MARCHF1: variants seen among roughly 807,000 people sequenced by gnomAD.
MARCHF1 encodes E3 ubiquitin-protein ligase MARCHF1.
Under a neutral mutation model 54.2 loss-of-function variants are expected in MARCHF1, and 40 were observed. That is an observed-to-expected ratio of 0.74 (90% CI 0.57 to 0.96). The LOEUF is 0.96. Ranked by LOEUF, MARCHF1 falls within the 40% of genes least tolerant of loss-of-function variation. The pLI is 0.00. For synonymous variants in MARCHF1, 236 were observed against 236.3 expected, an observed-to-expected ratio of 1.00 and a Z score of 0.01; for missense variants, 586 against 656.5, an observed-to-expected ratio of 0.89 and a Z score of 1.17.
chr4:164,067,027 G>A (rs568220259), intron 2 of MARCHF1, among the ~76,000 whole-genome samples: 20 of 90,112 alleles, frequency 2.2e-4, no homozygotes, highest in Admixed American at 1.9e-3. Context: ...AAAAAAAAAA[G>A]TCTGACGAAG....
intron 1 of MARCHF1, among the ~76,000 whole-genome samples, chr4:164,194,117 C>T (rs1195431870): frequency 6.6e-6 from 1 of 152,056 alleles, no homozygotes; most frequent in Non-Finnish European, 1.5e-5. Flanking sequence ...TATAACACTC[C>T]CACTGCATTA....
chr4:164,141,550 A>G (rs1490571527), intron 1 of MARCHF1, among the ~76,000 whole-genome samples: 2 of 152,160 alleles, frequency 1.3e-5, no homozygotes, highest in Non-Finnish European at 2.9e-5. Context: ...ACCTTACAAC[A>G]AGATTAGCTC....
At chr4:163,610,966 C>T (rs958920151) in intron 7 of MARCHF1, among the ~76,000 whole-genome samples, 3 of 152,014 alleles carry the variant, frequency 2.0e-5, no homozygotes, top group African/African-American at 4.8e-5. Flanking sequence ...CTGATCAATT[C>T]CTGTCATCCT....
chr4:163,785,776 A>G (rs1315515844), intron 4 of MARCHF1, among the ~76,000 whole-genome samples: 1 of 152,058 alleles, frequency 6.6e-6, no homozygotes, highest in East Asian at 1.9e-4. Flanking sequence ...GCCACCTAGA[A>G]AATGTCCACA....
At chr4:164,377,416 T>C (rs1731224228) in intron 1 of MARCHF1, among the ~76,000 whole-genome samples, 2 of 152,228 alleles carry the variant, frequency 1.3e-5, no homozygotes, top group Non-Finnish European at 2.9e-5. Flanking sequence ...GAAATCAGTC[T>C]GTATCAGTTG....
At chr4:164,264,735 C>A (rs1448851803) in intron 1 of MARCHF1, among the ~76,000 whole-genome samples, 1 of 151,972 alleles carries the variant, frequency 6.6e-6, no homozygotes, top group Non-Finnish European at 1.5e-5. Flanking sequence ...GGCTGGCCAA[C>A]ATGGTGAAAC....
chr4:163,565,190 C>T (rs537589508), intron 8 of MARCHF1, among the ~76,000 whole-genome samples: 2 of 152,292 alleles, frequency 1.3e-5, no homozygotes, highest in African/African-American at 2.4e-5. Flanking sequence ...GAATCTCCTG[C>T]GAATGCAGAG....
chr4:163,740,748 T>C (rs1746170138), intron 4 of MARCHF1, among the ~76,000 whole-genome samples: 1 of 152,238 alleles, frequency 6.6e-6, no homozygotes, highest in Non-Finnish European at 1.5e-5. Context: ...TGGAGAACTA[T>C]ATTCCAACAT....
chr4:164,112,379 T>C (rs1298062142), intron 1 of MARCHF1, among the ~76,000 whole-genome samples: 1 of 151,936 alleles, frequency 6.6e-6, no homozygotes, highest in Non-Finnish European at 1.5e-5. Context: ...TACAATTGTG[T>C]GTATAATGAG....
intron 7 of MARCHF1, among the ~76,000 whole-genome samples, chr4:163,592,336 A>G (rs1213411104): frequency 1.3e-5 from 2 of 152,142 alleles, no homozygotes; most frequent in Non-Finnish European, 2.9e-5. Flanking sequence ...GCTACATAGC[A>G]TGACTTCCTG....
At chr4:164,012,155 C>G (rs1209470370) in intron 2 of MARCHF1, among the ~76,000 whole-genome samples, 1 of 152,192 alleles carries the variant, frequency 6.6e-6, no homozygotes, top group Non-Finnish European at 1.5e-5. Context: ...ACAAGGATCA[C>G]AGTCCTAGGG....
At chr4:163,856,346 T>C (rs191134629) in intron 3 of MARCHF1, among the ~76,000 whole-genome samples, 13 of 152,318 alleles carry the variant, frequency 8.5e-5, no homozygotes, top group South Asian at 2.1e-4. Flanking sequence ...ATAATAATCA[T>C]TGAATACTAT....
intron 1 of MARCHF1, among the ~76,000 whole-genome samples, chr4:164,233,241 C>CA (rs150148007): frequency 0.2 from 29,256 of 147,784 alleles, 3,066 homozygotes; most frequent in Admixed American, 0.32. Context: ...CTGTTTATTT[C>CA]AAAAAAAAAA....
At chr4:164,295,567 G>T (rs1734390387) in intron 1 of MARCHF1, among the ~76,000 whole-genome samples, 1 of 152,160 alleles carries the variant, frequency 6.6e-6, no homozygotes, top group African/African-American at 2.4e-5. Flanking sequence ...TTGAACTGAA[G>T]TAAGTTTAAT....
chr4:163,704,582 AT>A (rs1744898519), intron 4 of MARCHF1, among the ~76,000 whole-genome samples: 1 of 151,630 alleles, frequency 6.6e-6, no homozygotes, highest in East Asian at 1.9e-4. Context: ...TAGAAATCCA[AT>A]TTTGAAAAGT....
chr4:163,756,217 G>A (rs1746661184), intron 4 of MARCHF1, among the ~76,000 whole-genome samples: 1 of 152,098 alleles, frequency 6.6e-6, no homozygotes, highest in South Asian at 2.1e-4. Context: ...AAAATACTTT[G>A]TCCAAAGTTA....
chr4:164,304,530 T>A (rs941248560), intron 1 of MARCHF1, among the ~76,000 whole-genome samples: 2 of 152,188 alleles, frequency 1.3e-5, no homozygotes, highest in Non-Finnish European at 2.9e-5. Flanking sequence ...TCTTTAATGA[T>A]CATTTCTAAG....
chr4:164,289,883 T>C (rs1374327401), intron 1 of MARCHF1, among the ~76,000 whole-genome samples: 1 of 152,056 alleles, frequency 6.6e-6, no homozygotes, highest in Non-Finnish European at 1.5e-5. Context: ...TCAAGCTTCA[T>C]CTCTACCACA....
At chr4:163,563,589 A>G (rs1579066568) in intron 8 of MARCHF1, among the ~76,000 whole-genome samples, 1 of 152,350 alleles carries the variant, frequency 6.6e-6, no homozygotes, top group Middle Eastern at 3.4e-3. Flanking sequence ...AGACTTGGAC[A>G]TCACATTGAT....
Sources: gnomAD v4.1 joint callset for allele counts (sites outside exome capture counted in the v4.1 genomes callset) on GRCh38, gnomAD v4.1.1 for gene constraint, MANE v1.5 for transcripts, NCBI Gene and HGNC (gene_info 2026-07-23, HGNC 2026-07-21) for gene names.